Variants in RARB observed in about 807,000 individuals in gnomAD.
RARB encodes the protein HBV-activated protein.
Under a neutral mutation model 51.9 loss-of-function variants are expected in RARB, and 17 were observed. That is an observed-to-expected ratio of 0.33 (90% CI 0.22 to 0.49). The LOEUF (loss-of-function observed/expected upper bound fraction) is 0.49, where lower values mean the gene tolerates loss of function less well. Among genes scored for constraint, RARB ranks in the 20% least tolerant of loss-of-function variants. The pLI is 0.99. For missense variants in RARB, 369 were observed against 550.8 expected (o/e 0.67, Z 3.30); for synonymous variants, 215 against 195.4 (o/e 1.10, Z -0.84).
chr3:25,126,930 A>T (rs1179054785), intron 3 of RARB, among the ~76,000 whole-genome samples: 1 of 152,114 alleles, frequency 6.6e-6, no homozygotes, highest in Non-Finnish European at 1.5e-5. Flanking sequence ...CACACACTAC[A>T]TTCAATGCAA....
At chr3:25,230,873 C>G (rs1338152190) in intron 5 of RARB, among the ~76,000 whole-genome samples, 1 of 152,056 alleles carries the variant, frequency 6.6e-6, no homozygotes, top group Non-Finnish European at 1.5e-5. Flanking sequence ...CTATTTTGTT[C>G]CATTTTAAAC....
chr3:25,163,505 A>ATATATATATATATATATAT (rs1700508899), intron 4 of RARB, among the ~76,000 whole-genome samples: 1 of 11,280 alleles, frequency 8.9e-5, no homozygotes, highest in African/African-American at 3.5e-4. Flanking sequence ...CTATCTCAAA[A>ATATATATATATATATATAT]TATATATATA....
At chr3:25,340,123 A>G (rs1382498348) in intron 5 of RARB, among the ~76,000 whole-genome samples, 1 of 152,102 alleles carries the variant, frequency 6.6e-6, no homozygotes, top group Non-Finnish European at 1.5e-5. Flanking sequence ...AAATGCAGAG[A>G]CCTGCTGACA....
At chr3:25,180,885 A>G (rs966536881) in intron 5 of RARB, among the ~76,000 whole-genome samples, 6 of 152,182 alleles carry the variant, frequency 3.9e-5, no homozygotes, top group African/African-American at 7.2e-5. Flanking sequence ...GGTACCATCA[A>G]TTCCCTTGCT....
At chr3:24,968,346 A>G (rs1192686955) in intron 2 of RARB, among the ~76,000 whole-genome samples, 1 of 152,184 alleles carries the variant, frequency 6.6e-6, no homozygotes, top group Non-Finnish European at 1.5e-5. Context: ...TGCTAAGACT[A>G]TAGTTCTCTT....
At chr3:25,209,041 A>T (rs1188539217) in intron 5 of RARB, among the ~76,000 whole-genome samples, 1 of 152,252 alleles carries the variant, frequency 6.6e-6, no homozygotes. Flanking sequence ...TTTAGGTTAA[A>T]AGTGAAACAG....
intron 4 of RARB, among the ~76,000 whole-genome samples, chr3:25,172,622 G>A (rs1235891191): frequency 2.6e-5 from 4 of 152,128 alleles, no homozygotes; most frequent in African/African-American, 4.8e-5. Flanking sequence ...CTTCAAGGAC[G>A]TAAGCTTTAG....
chr3:25,124,866 G>A (rs1699837093), intron 3 of RARB, among the ~76,000 whole-genome samples: 1 of 152,106 alleles, frequency 6.6e-6, no homozygotes, highest in Admixed American at 6.5e-5. Flanking sequence ...TGTTCCTTAT[G>A]TATTTTTACA....
chr3:25,327,232 TA>T lies in RARB; in HGVS notation c.179-133954del, dbSNP rs200031785. Among the ~76,000 whole-genome samples the T allele has an allele frequency of 2.0e-5, 3 of 151,892 alleles. No individual in the cohort carries two copies. The East Asian group carries it at 5.8e-4, about 29-fold the overall frequency. On this transcript the variant is annotated intron_variant, in intron 5 of 11. Coordinates refer to the RARB transcript ENST00000383772. ...CGAATGGGAAGAAATTATTTTTTTT[TA>T]AAAAAAGGGAATTTCCTGAGAACTG...
chr3:24,937,596 T>C (rs57982938), intron 2 of RARB, among the ~76,000 whole-genome samples: 24,382 of 152,052 alleles, frequency 0.16, 2,192 homozygotes, highest in Non-Finnish European at 0.21. Flanking sequence ...AGCAGTAGCG[T>C]GCGATACGGG....
intron 2 of RARB, among the ~76,000 whole-genome samples, chr3:24,914,372 T>C (rs1428904794): frequency 1.3e-5 from 2 of 152,106 alleles, no homozygotes; most frequent in East Asian, 1.9e-4. Context: ...TGCAGGAATA[T>C]TGGGGGCAGG....
At chr3:25,379,135 T>C (rs897007635) in intron 5 of RARB, among the ~76,000 whole-genome samples, 3 of 152,182 alleles carry the variant, frequency 2.0e-5, no homozygotes, top group African/African-American at 7.2e-5. Context: ...TCTGTTTAGA[T>C]AGCCTTGGTG....
chr3:25,118,750 A>AT (rs1699731603), intron 3 of RARB, among the ~76,000 whole-genome samples: 1 of 152,144 alleles, frequency 6.6e-6, no homozygotes, highest in African/African-American at 2.4e-5. Flanking sequence ...TTGCTTAGCA[A>AT]TGAGCCATAG....
intron 4 of RARB, among the ~76,000 whole-genome samples, chr3:25,147,842 A>G (rs146453516): frequency 2.0e-5 from 3 of 152,336 alleles, no homozygotes; most frequent in East Asian, 1.9e-4. Context: ...TCCCTTCAAT[A>G]AAGCTTGGTT....
intron 5 of RARB, among the ~76,000 whole-genome samples, chr3:25,588,535 CA>C (rs1701492074): frequency 6.6e-6 from 1 of 152,130 alleles, no homozygotes; most frequent in African/African-American, 2.4e-5. Context: ...CAAAATACCA[CA>C]AAACTTAGCA....
chr3:25,542,474 T>G (rs1208684184), intron 3 of RARB, among the ~76,000 whole-genome samples: 1 of 152,046 alleles, frequency 6.6e-6, no homozygotes, highest in Non-Finnish European at 1.5e-5. Flanking sequence ...TAAGTACTGC[T>G]CCTCCCAATC....
intron 2 of RARB, among the ~76,000 whole-genome samples, chr3:25,484,708 G>A (rs1696379996): frequency 6.6e-6 from 1 of 152,152 alleles, no homozygotes; most frequent in South Asian, 2.1e-4. Flanking sequence ...TGATGGTAGA[G>A]TTGAGTATTT....
intron 5 of RARB, among the ~76,000 whole-genome samples, chr3:25,214,455 T>C (rs1701771577): frequency 6.6e-6 from 1 of 152,206 alleles, no homozygotes; most frequent in African/African-American, 2.4e-5. Context: ...TTCAGTAGCT[T>C]TTAAAAATAA....
intron 5 of RARB, among the ~76,000 whole-genome samples, chr3:25,256,537 T>A (rs1702868925): frequency 6.6e-6 from 1 of 152,160 alleles, no homozygotes. Context: ...GTTTTAAAAA[T>A]TCTTATGAAA....
Sources: allele counts gnomAD v4.1 joint callset (sites outside exome capture counted in the v4.1 genomes callset), GRCh38; gene constraint gnomAD v4.1.1; transcripts MANE v1.5; gene names NCBI Gene and HGNC (gene_info 2026-07-23, HGNC 2026-07-21).